SLC5A3: variants seen among roughly 807,000 people sequenced by gnomAD.
SLC5A3 encodes the protein sodium/myo-inositol cotransporter.
SLC5A3 carries 10 observed loss-of-function variants against 43.2 expected under a neutral mutation model. The observed-to-expected ratio is 0.23, with a 90% CI of 0.14 to 0.39. The LOEUF (loss-of-function observed/expected upper bound fraction) is 0.39. SLC5A3 is among the 10% of genes least tolerant of loss of function. The pLI, the probability that SLC5A3 is intolerant of heterozygous loss-of-function variation, is 1.00. For missense variants in SLC5A3, 608 were observed against 893.4 expected, an observed-to-expected ratio of 0.68 and a Z score of 4.07; for synonymous variants, 349 against 322.0, an observed-to-expected ratio of 1.08 and a Z score of -0.90.
chr21:34,084,993 C>T (rs568861449), intron 1 of SLC5A3, among the ~76,000 whole-genome samples: 1 of 152,260 alleles, frequency 6.6e-6, no homozygotes, highest in Non-Finnish European at 1.5e-5. Context: ...TAAGGGCCTT[C>T]CTCCTAACCA....
rs1979015715 is a variant in SLC5A3, at chr21:34,097,405, T to TG, written c.*54dup. 11 of 1,367,196 alleles carry TG rather than the reference T, an allele frequency of 8.0e-6. No homozygotes were observed. The highest frequency in any genetic ancestry group is 7.5e-6 in the Non-Finnish European group (8 of 1,068,304). 84.7% of individuals were successfully genotyped at this position (1,367,196 alleles called of 1,614,324 possible). ...ACTTAAGACAATACTGACTGGTCTT[T>TG]GGGGAAAAAAGTTATGTAACTGTGC... is the stretch of plus-strand genomic sequence containing the variant. On this transcript the variant is annotated 3_prime_UTR_variant, in exon 2 of 2. Coordinates refer to ENST00000381151, the MANE Select transcript of SLC5A3 (RefSeq NM_006933.7).
At chr21:34,073,815 C>A in intron 1 of SLC5A3, 70 bp downstream of exon 1, 2 of 1,234,526 alleles carry the variant, frequency 1.6e-6, no homozygotes, top group East Asian at 4.0e-5. Flanking sequence ...CGCCGTCCCC[C>A]GCGCGCCCTG....
intron 1 of SLC5A3, among the ~76,000 whole-genome samples, chr21:34,081,119 A>C (rs1399650886): frequency 6.6e-6 from 1 of 152,198 alleles, no homozygotes; most frequent in Non-Finnish European, 1.5e-5. Context: ...AATAACTCAA[A>C]GTTTGGGAAG....
chr21:34,103,553 A>G lies in SLC5A3; in HGVS notation c.*6198A>G. 1 of 1,000,234 alleles carries G rather than the reference A, an allele frequency of 1.0e-6. No individual in the cohort carries two copies. Among genetic ancestry groups the G allele is most frequent in the Non-Finnish European group, 1.2e-6 (1 of 829,948 alleles). The allele number at this position is 1,000,234 out of a possible 1,614,324, so 62.0% of individuals were successfully genotyped here. On this transcript the variant is annotated 3_prime_UTR_variant, in exon 2 of 2. Transcript: ENST00000381151. ...CAACAGTTTATATTCCATGATAGAA[A>G]GCTAAAGTCCATAGAAAGCACAAAA...
rs1979375746 is a variant in SLC5A3, at chr21:34,104,240, A to C, written c.*6885A>C. ...TGCTAGAGGAGCTACTTTGCTTTTC[A>C]CAATGGGGTGGAGAGGATTCTTTCA... On this transcript the variant is annotated 3_prime_UTR_variant, in exon 2 of 2. Coordinates refer to ENST00000381151, the MANE Select transcript of SLC5A3 (RefSeq NM_006933.7). The C allele has an allele frequency of 1.0e-6, 1 of 1,000,064 alleles. No homozygotes were observed. Among genetic ancestry groups the C allele is most frequent in the Non-Finnish European group, 1.2e-6 (1 of 829,944 alleles). The allele number at this position is 1,000,064 out of a possible 1,614,324, so 61.9% of individuals were successfully genotyped here.
At position 34,102,454 on chromosome 21, in the gene SLC5A3, C is replaced by T. The variant is rs1343688177; in HGVS notation, c.*5099C>T. 2.0e-6 allele frequency: 2 copies of T among 999,946 alleles called. No homozygotes were observed. Among genetic ancestry groups the T allele is most frequent in the East Asian group, 1.1e-4 (1 of 8,812 alleles). The allele number at this position is 999,946 out of a possible 1,614,324, so 61.9% of individuals were successfully genotyped here. A position where few individuals can be genotyped will look rare whatever the true frequency, so the allele number is the denominator to read the frequency against. On this transcript the variant is annotated 3_prime_UTR_variant, in exon 2 of 2. Transcript: ENST00000381151. The stretch of plus-strand genomic sequence containing the variant: ...TTTTGGGGTAAGCACCTAATTTATC[C>T]AGTAACCAACAACCCTAACCATTGG...
intron 1 of SLC5A3, among the ~76,000 whole-genome samples, chr21:34,092,686 G>A (rs1441765143): frequency 6.6e-6 from 1 of 152,204 alleles, no homozygotes; most frequent in African/African-American, 2.4e-5. Context: ...TTGAGGAAGT[G>A]CTTGTTTTCT....
chr21:34,099,409 A>T lies in SLC5A3; in HGVS notation c.*2054A>T, dbSNP rs1602934284. ...TGTTTTGTCCTGTTTTTTCAAAGGA[A>T]CTGTTCTTCCTTTGGGACAACCTTT... On this transcript the variant is annotated 3_prime_UTR_variant, in exon 2 of 2. Transcript: ENST00000381151. 1.0e-6 allele frequency: 1 copy of T among 1,000,224 alleles called. No homozygotes were observed. The highest frequency in any genetic ancestry group is 4.7e-5 in the South Asian group (1 of 21,288). The allele number at this position is 1,000,224 out of a possible 1,614,324, so 62.0% of individuals were successfully genotyped here. A position where few individuals can be genotyped will look rare whatever the true frequency, so the allele number is the denominator to read the frequency against.
intron 1 of SLC5A3, among the ~76,000 whole-genome samples, chr21:34,074,258 C>T (rs545656975): frequency 1.3e-5 from 2 of 151,992 alleles, no homozygotes; most frequent in East Asian, 3.9e-4. Context: ...CGTCCGCGCC[C>T]AATAAAGCGT....
At chr21:34,091,453 A>G (rs1988114359) in intron 1 of SLC5A3, among the ~76,000 whole-genome samples, 1 of 152,174 alleles carries the variant, frequency 6.6e-6, no homozygotes, top group South Asian at 2.1e-4. Context: ...TTATATGGTC[A>G]CCCAGACAGT....
chr21:34,099,999 A>T lies in SLC5A3; in HGVS notation c.*2644A>T. 1 of 692,832 alleles carries T rather than the reference A, an allele frequency of 1.4e-6. No individual in the cohort carries two copies. Among genetic ancestry groups the T allele is most frequent in the Non-Finnish European group, 1.8e-6 (1 of 549,490 alleles). 42.9% of individuals were successfully genotyped at this position (692,832 alleles called of 1,614,324 possible). A position where few individuals can be genotyped will look rare whatever the true frequency, so the allele number is the denominator to read the frequency against. The stretch of plus-strand genomic sequence containing the variant: ...GGAATGATCATACATGGACTGTCTT[A>T]AGCTAGCAAAATGTTCATACTTTAC... On this transcript the variant is annotated 3_prime_UTR_variant, in exon 2 of 2. Coordinates refer to ENST00000381151, the MANE Select transcript of SLC5A3 (RefSeq NM_006933.7).
intron 1 of SLC5A3, among the ~76,000 whole-genome samples, chr21:34,088,967 T>C (rs1209715663): frequency 3.3e-5 from 5 of 152,306 alleles, no homozygotes; most frequent in African/African-American, 7.2e-5. Context: ...TGAATTCTTA[T>C]TGAGTTACAC....
At position 34,073,693 on chromosome 21, in the gene SLC5A3, C is replaced by T. The variant is rs1289513675; in HGVS notation, c.-389C>T. The T allele has an allele frequency of 1.2e-5, 18 of 1,521,210 alleles. No homozygotes were observed. Among genetic ancestry groups the T allele is most frequent in the Non-Finnish European group, 1.5e-5 (17 of 1,126,856 alleles). 94.2% of individuals were successfully genotyped at this position (1,521,210 alleles called of 1,614,324 possible). A position where few individuals can be genotyped will look rare whatever the true frequency, so the allele number is the denominator to read the frequency against. On this transcript the variant is annotated 5_prime_UTR_variant, in exon 1 of 2. Coordinates refer to ENST00000381151, the MANE Select transcript of SLC5A3 (RefSeq NM_006933.7). ...GGCTTCCGAGCCGCACTCGCCGATC[C>T]TCCAGGCATGCCCCGCTACGAGCTG...
chr21:34,091,861 T>C (rs1057362927), intron 1 of SLC5A3, among the ~76,000 whole-genome samples: 1 of 152,170 alleles, frequency 6.6e-6, no homozygotes, highest in Admixed American at 6.5e-5. Flanking sequence ...CAGAAGCTTT[T>C]TAAGAAAAAA....
At chr21:34,081,768 C>A (rs1384652907) in intron 1 of SLC5A3, among the ~76,000 whole-genome samples, 1 of 152,150 alleles carries the variant, frequency 6.6e-6, no homozygotes, top group Non-Finnish European at 1.5e-5. Context: ...TGGTCTTAGG[C>A]AAGTCGCTGT....
chr21:34,084,783 TTTTC>T (rs1254155089), intron 1 of SLC5A3, among the ~76,000 whole-genome samples: 1 of 152,236 alleles, frequency 6.6e-6, no homozygotes, highest in African/African-American at 2.4e-5. Flanking sequence ...CTCACCTCTG[TTTTC>T]TTTATCTTAA....
chr21:34,096,474 G>A lies in SLC5A3; in HGVS notation c.1276G>A (p.Val426Met). 1 of 1,614,184 alleles carries A rather than the reference G, an allele frequency of 6.2e-7. No individual in the cohort carries two copies. Among genetic ancestry groups the A allele is most frequent in the Non-Finnish European group, 8.5e-7 (1 of 1,180,020 alleles). The change falls in exon 2 of 2, where the codon GTG (valine) becomes ATG (methionine). Residue 426 changes from valine (V) to methionine (M), a missense_variant. Physicochemically the swap from Val to Met is conservative, Grantham distance 21 (BLOSUM62 1). Around this residue, in one of 2 missense-constraint regions of SLC5A3, gnomAD observed 398 missense variants for 668.6 expected, o/e 0.60. Transcript: ENST00000381151. The surrounding 1 kb of genome is among the most constrained non-coding windows in gnomAD (Gnocchi z 5.9). The part of the protein sequence containing the change: ...AFMVVISIAW[V>M]PIIVEMQGGQ... ...TATGGTGGTGATCAGCATAGCATGG[G>A]TGCCAATCATCGTGGAGATGCAAGG...
In SLC5A3 at chr21:34,077,310, A is replaced by G. The variant is rs115295321; in HGVS notation, c.-337+3565A>G. On this transcript the variant is annotated intron_variant, in intron 1 of 1. Transcript: ENST00000381151. ...TAGACACTTTTTATGCCTTGGGTAT[A>G]CAGGAAGAAGAAATCTGAGGAAAGA... Among the ~76,000 whole-genome samples the G allele has an allele frequency of 9.4e-3, 1,432 of 152,344 alleles. 30 individuals are homozygous for G. The highest frequency in any genetic ancestry group is 0.033 in the African/African-American group (1,362 of 41,566).
At position 34,099,853 on chromosome 21, in the gene SLC5A3, C is replaced by A; in HGVS notation, c.*2498C>A. Reference sequence around the variant, plus strand: ...TTTATTTAGACTAAAGTCCCTGAAGCTTGTCTTTCTTATTGCTTCCCAGTA... The same window carrying A: ...TTTATTTAGACTAAAGTCCCTGAAGATTGTCTTTCTTATTGCTTCCCAGTA... On this transcript the variant is annotated 3_prime_UTR_variant, in exon 2 of 2. Coordinates refer to ENST00000381151, the MANE Select transcript of SLC5A3 (RefSeq NM_006933.7). The A allele has an allele frequency of 2.1e-6, 1 of 466,938 alleles. No homozygotes were observed. Among genetic ancestry groups the A allele is most frequent in the African/African-American group, 2.1e-5 (1 of 47,122 alleles). 28.9% of individuals were successfully genotyped at this position (466,938 alleles called of 1,614,324 possible). A position where few individuals can be genotyped will look rare whatever the true frequency, so the allele number is the denominator to read the frequency against.
Sources: allele counts gnomAD v4.1 joint callset (sites outside exome capture counted in the v4.1 genomes callset), GRCh38; gene constraint gnomAD v4.1.1; regional missense constraint gnomAD v4.1.1; non-coding constraint Gnocchi (gnomAD v3.1); transcripts MANE v1.5; gene names NCBI Gene and HGNC (gene_info 2026-07-23, HGNC 2026-07-21).